Variants in SLC7A7 observed in about 807,000 individuals in gnomAD.
SLC7A7 encodes Y+L amino acid transporter 1.
SLC7A7 carries 39 observed loss-of-function variants against 47.9 expected under a neutral mutation model. The ratio of observed to expected loss-of-function variants is 0.81; its 90% CI spans 0.63 to 1.06. SLC7A7 has a LOEUF of 1.06. Among genes scored for constraint, SLC7A7 ranks in the 50% least tolerant of loss-of-function variants. The pLI is 0.00. For synonymous variants in SLC7A7, 234 were observed against 242.8 expected (o/e 0.96, Z 0.34); for missense variants, 588 against 632.0 (o/e 0.93, Z 0.75).
upstream of SLC7A7, among the ~76,000 whole-genome samples, chr14:22,818,751 G>A (rs919466727): frequency 6.6e-5 from 10 of 151,682 alleles, no homozygotes; most frequent in Non-Finnish European, 1.3e-4. Context: ...CCGCCACCGC[G>A]CCCAGCTAAT....
intron 2 of SLC7A7, among the ~76,000 whole-genome samples, chr14:22,791,734 C>A (rs1278330831): frequency 6.6e-6 from 1 of 152,012 alleles, no homozygotes; most frequent in East Asian, 1.9e-4. Context: ...CGCCTCATAT[C>A]TGTTACCTAA....
At chr14:22,780,635 T>C (rs1409705680) in intron 2 of SLC7A7, among the ~76,000 whole-genome samples, 1 of 152,228 alleles carries the variant, frequency 6.6e-6, no homozygotes, top group Non-Finnish European at 1.5e-5. Flanking sequence ...GAGTGGTTCC[T>C]GTAGAATGGG....
chr14:22,792,998 C>G (rs1271100217), intron 2 of SLC7A7, among the ~76,000 whole-genome samples: 2 of 151,178 alleles, frequency 1.3e-5, no homozygotes, highest in Non-Finnish European at 3.0e-5. Flanking sequence ...CTCACTGCAA[C>G]CTCCGCCTCC....
chr14:22,815,427 G>C lies in SLC7A7; in HGVS notation c.-150C>G. On this transcript the variant is annotated 5_prime_UTR_variant, in exon 1 of 10. Transcript: ENST00000674313. ...TGATGCTCCTCCTTCCCAGCCAGCA[G>C]TAAAAGGGAAGGCCAGACAAATGCC... 3 of 454,532 alleles carry C rather than the reference G, an allele frequency of 6.6e-6. No individual in the cohort carries two copies. The highest frequency in any genetic ancestry group is 4.7e-5 in the South Asian group (3 of 64,478). 28.2% of individuals were successfully genotyped at this position (454,532 alleles called of 1,614,324 possible). A position where few individuals can be genotyped will look rare whatever the true frequency, so the allele number is the denominator to read the frequency against.
At chr14:22,812,712 GGTGA>G (rs1436839747) in intron 2 of SLC7A7, among the ~76,000 whole-genome samples, 184 bp downstream of exon 2, 1 of 147,972 alleles carries the variant, frequency 6.8e-6, no homozygotes, top group Non-Finnish European at 1.5e-5. Context: ...CTGGGGAAAA[GGTGA>G]GTGTTTTTGC....
intron 2 of SLC7A7, among the ~76,000 whole-genome samples, chr14:22,781,049 A>ACC (rs2038710542): frequency 6.6e-6 from 1 of 152,184 alleles, no homozygotes; most frequent in Admixed American, 6.5e-5. Flanking sequence ...TCCCACTGGT[A>ACC]GCATAGCGAA....
At chr14:22,781,665 G>A (rs2038721732) in intron 2 of SLC7A7, among the ~76,000 whole-genome samples, 1 of 152,046 alleles carries the variant, frequency 6.6e-6, no homozygotes, top group South Asian at 2.1e-4. Context: ...CTCCTCCTCA[G>A]CCAGTCACCC....
At chr14:22,803,180 G>A (rs1270676263) in intron 2 of SLC7A7, among the ~76,000 whole-genome samples, 3 of 152,128 alleles carry the variant, frequency 2.0e-5, no homozygotes, top group African/African-American at 4.8e-5. Context: ...AGCACCTTGG[G>A]AGACCAAGGC....
intron 2 of SLC7A7, among the ~76,000 whole-genome samples, chr14:22,784,543 A>G (rs1319823790): frequency 1.3e-5 from 2 of 152,058 alleles, no homozygotes; most frequent in African/African-American, 2.4e-5. Flanking sequence ...ACTTGAACCC[A>G]GGAGGCGGAG....
At chr14:22,785,939 G>A (rs1162715521) in intron 2 of SLC7A7, among the ~76,000 whole-genome samples, 21 of 149,610 alleles carry the variant, frequency 1.4e-4, no homozygotes, top group Non-Finnish European at 3.0e-4. Context: ...GGAGAATGAC[G>A]TGAACCCGGG....
intron 2 of SLC7A7, among the ~76,000 whole-genome samples, chr14:22,795,383 TTG>T (rs1449937477): frequency 0.1 from 440 of 4,230 alleles, 8 homozygotes; most frequent in Admixed American, 0.13. Context: ...TATTGCTTGC[TTG>T]CTTTCTTTCT....
intron 2 of SLC7A7, among the ~76,000 whole-genome samples, chr14:22,804,525 C>T (rs192767772): frequency 9.0e-4 from 136 of 151,454 alleles, no homozygotes; most frequent in Non-Finnish European, 1.5e-3. Context: ...AAGAAAGAAA[C>T]AAACAATCCC....
chr14:22,780,330 A>C (rs12433985), intron 2 of SLC7A7: 2 of 401,772 alleles, frequency 5.0e-6, no homozygotes, highest in Non-Finnish European at 9.4e-6. Flanking sequence ...CAAATGTCCA[A>C]TCACAGCAGT....
Position 22,804,938 on chromosome 14 carries a change from C to T in SLC7A7, c.499+7962G>A, listed in dbSNP as rs559827764. Among the ~76,000 whole-genome samples, 38 of 152,236 alleles carry T rather than the reference C, an allele frequency of 2.5e-4. 1 individual carries two copies. Among genetic ancestry groups the T allele is most frequent in the African/African-American group, 7.9e-4 (33 of 41,550 alleles). On this transcript the variant is annotated intron_variant, in intron 2 of 9. Coordinates refer to ENST00000674313, the MANE Select transcript of SLC7A7 (RefSeq NM_003982.4). ...AGGAGAATTCCTTGAACTTGGGAGG[C>T]GGAGGTTGCATTGAGCCGAGATTGT...
In SLC7A7 at chr14:22,804,299, G is replaced by A. The variant is rs188117436; in HGVS notation, c.499+8601C>T. On this transcript the variant is annotated intron_variant, in intron 2 of 9. Coordinates refer to ENST00000674313, the MANE Select transcript of SLC7A7 (RefSeq NM_003982.4). Reference sequence around the variant, plus strand: ...GCAATACCATTCAGGACATAGGCACGGGCAAAGATTTCATGGCAAAAATAC... The same window carrying A: ...GCAATACCATTCAGGACATAGGCACAGGCAAAGATTTCATGGCAAAAATAC... Among the ~76,000 whole-genome samples, 7 of 152,114 alleles carry A rather than the reference G, an allele frequency of 4.6e-5. No individual in the cohort carries two copies. In the East Asian group the frequency reaches 9.6e-4, roughly 21 times the overall value.
At chr14:22,796,097 T>C (rs1246607971) in intron 2 of SLC7A7, among the ~76,000 whole-genome samples, 2 of 151,878 alleles carry the variant, frequency 1.3e-5, no homozygotes, top group Non-Finnish European at 2.9e-5. Flanking sequence ...CCAGAAAAGG[T>C]AAGTTTCTTC....
intron 2 of SLC7A7, among the ~76,000 whole-genome samples, chr14:22,785,794 A>G (rs1419709641): frequency 1.3e-5 from 2 of 151,644 alleles, no homozygotes; most frequent in African/African-American, 4.8e-5. Flanking sequence ...AAGCTGAGGC[A>G]GGCGGATCAT....
chr14:22,810,160 A>G (rs2039282220), intron 2 of SLC7A7, among the ~76,000 whole-genome samples: 1 of 151,810 alleles, frequency 6.6e-6, no homozygotes, highest in African/African-American at 2.4e-5. Flanking sequence ...ACAGACAAAG[A>G]TAGTTAAAAT....
At chr14:22,779,411 A>G (rs1022337746) in intron 3 of SLC7A7, among the ~76,000 whole-genome samples, 1 of 150,354 alleles carries the variant, frequency 6.7e-6, no homozygotes, top group South Asian at 2.1e-4. Flanking sequence ...ACAAATTTCA[A>G]CTCCTCTACT....
Sources: gnomAD v4.1 joint callset for allele counts (sites outside exome capture counted in the v4.1 genomes callset) on GRCh38, gnomAD v4.1.1 for gene constraint, MANE v1.5 for transcripts, NCBI Gene and HGNC (gene_info 2026-07-23, HGNC 2026-07-21) for gene names.